OR2B11: variants seen among roughly 807,000 people sequenced by gnomAD.
OR2B11 encodes the protein olfactory receptor 2B11.
For missense variants in OR2B11, 422 were observed against 400.0 expected, an observed-to-expected ratio of 1.05 and a Z score of -0.47; for synonymous variants, 198 against 174.5, an observed-to-expected ratio of 1.13 and a Z score of -1.06.
At chr1:247,456,376 G>A (rs758421130) in intron 1 of OR2B11, among the ~76,000 whole-genome samples, 6 of 152,084 alleles carry the variant, frequency 3.9e-5, no homozygotes, top group Non-Finnish European at 7.3e-5. Flanking sequence ...CGAACTCCTA[G>A]GCTCAAGTGA....
At position 247,458,038 on chromosome 1, in the gene OR2B11, C is replaced by T. The variant is rs1664996834; in HGVS notation, c.-3482G>A. ...GAGGATAAGGCTTTCAGGCAACACA[C>T]CTTGCCCGTGTCACGCTCTCTGTTC... On this transcript the variant is annotated 5_prime_UTR_variant, in exon 1 of 2. The change creates a new upstream start codon in the 5' untranslated region. Transcript: ENST00000641149. 1 of 152,184 alleles carries T rather than the reference C, an allele frequency of 6.6e-6. No homozygotes were observed. The highest frequency in any genetic ancestry group is 1.5e-5 in the Non-Finnish European group (1 of 68,074). The allele number at this position is 152,184 out of a possible 1,614,324, so 9.4% of individuals were successfully genotyped here.
Position 247,451,074 on chromosome 1 carries a change from C to A in OR2B11, c.909G>T (p.Gly303=). ...TCCTGGCCAGAAGTCTCCTCAGAGC[C>A]CCCTTCATATCTTTATTTCTCAGGG... ...TYTLRNKDMK[G]ALRRLLARIW... The change falls in exon 2 of 2, where the codon GGG becomes GGT. Residue 303 remains glycine, a synonymous_variant. Transcript: ENST00000641149. 6.6e-7 allele frequency: 1 copy of A among 1,509,222 alleles called. No individual in the cohort carries two copies. Among genetic ancestry groups the A allele is most frequent in the Non-Finnish European group, 8.9e-7 (1 of 1,129,224 alleles). The allele number at this position is 1,509,222 out of a possible 1,614,324, so 93.5% of individuals were successfully genotyped here. A position where few individuals can be genotyped will look rare whatever the true frequency, so the allele number is the denominator to read the frequency against.
Position 247,456,081 on chromosome 1 carries a change from G to A in OR2B11, c.-3082-1017C>T, listed in dbSNP as rs1265601170. ...ACCAGTTCTCTGTGCACTAGGCACCGCATATGAGCCTTCCCATATCCCATT... is the reference window on the plus strand; with the variant it reads ...ACCAGTTCTCTGTGCACTAGGCACCACATATGAGCCTTCCCATATCCCATT... On this transcript the variant is annotated intron_variant, in intron 1 of 1. Transcript: ENST00000641149. Among the ~76,000 whole-genome samples, 9 of 152,140 alleles carry A rather than the reference G, an allele frequency of 5.9e-5. No individual in the cohort carries two copies. The South Asian group carries it at 1.7e-3, about 28-fold the overall frequency.
rs991465528 is a variant in OR2B11, at chr1:247,451,803, G to C, written c.180C>G (p.His60Gln). 1 of 1,614,214 alleles carries C rather than the reference G, an allele frequency of 6.2e-7. No homozygotes were observed. The highest frequency in any genetic ancestry group is 1.1e-5 in the South Asian group (1 of 91,088). The change falls in exon 2 of 2, where the codon CAC becomes CAG. Residue 60 changes from histidine (H) to glutamine (Q), a missense_variant. Physicochemically the swap from His to Gln is conservative, Grantham distance 24. Transcript: ENST00000641149. ...GACTGAGGAAGATGTACATGGGGCT[G>C]TGGAGTTGAGGATCCACCCGGGATG... is the stretch of plus-strand genomic sequence containing the variant. Reference protein sequence around the residue: ...ILASRVDPQLHSPMYIFLSHL... With the variant: ...ILASRVDPQLQSPMYIFLSHL...
Position 247,449,744 on chromosome 1 carries a change from T to C in OR2B11, c.*1285A>G, listed in dbSNP as rs945904840. ...GCAAACTCTGTCTTGTTAGCACTTC[T>C]GAGCAGCACCAACTGGAGACTGGGT... On this transcript the variant is annotated 3_prime_UTR_variant, in exon 2 of 2. Transcript: ENST00000641149. The C allele has an allele frequency of 6.6e-6, 1 of 152,216 alleles. No homozygotes were observed. Among genetic ancestry groups the C allele is most frequent in the Non-Finnish European group, 1.5e-5 (1 of 68,042 alleles). 9.4% of individuals were successfully genotyped at this position (152,216 alleles called of 1,614,324 possible).
chr1:247,451,570 A>G lies in OR2B11; in HGVS notation c.413T>C (p.Val138Ala). ...CTGACAGAGAGCACGGTGCATGAGA[A>G]CGGCATAGTGCAGGGGCTTGCAGAT... is the stretch of plus-strand genomic sequence containing the variant. ...VAICKPLHYA[V>A]LMHRALCQQL... The change falls in exon 2 of 2, where the codon GTT becomes GCT. Residue 138 changes from valine (V) to alanine (A), a missense_variant. By Grantham distance (64) the Val-to-Ala change is moderately conservative. Coordinates refer to ENST00000641149, the MANE Select transcript of OR2B11 (RefSeq NM_001004492.2). 2 of 1,613,876 alleles carry G rather than the reference A, an allele frequency of 1.2e-6. No homozygotes were observed. Among genetic ancestry groups the G allele is most frequent in the Non-Finnish European group, 1.7e-6 (2 of 1,179,858 alleles).
chr1:247,456,241 A>G (rs578082801), intron 1 of OR2B11, among the ~76,000 whole-genome samples: 1 of 152,234 alleles, frequency 6.6e-6, no homozygotes, highest in Admixed American at 6.5e-5. Context: ...TTACTTCCTC[A>G]TAAGCCTCTG....
In OR2B11 at chr1:247,451,943, T is replaced by C. The variant is rs766055554; in HGVS notation, c.40A>G (p.Lys14Glu). Residue 14 changes from lysine to glutamate, a missense_variant, in exon 2 of 2, where the codon AAA becomes GAA. Transcript: ENST00000641149. ...DNHSFLGDSP[K>E]AFILLGVSDR... Reference sequence around the variant, plus strand: ...GACACACCCAGAAGGATGAAGGCTTTAGGGGAGTCCCCTAAGAAGCTATGG... The same window carrying C: ...GACACACCCAGAAGGATGAAGGCTTCAGGGGAGTCCCCTAAGAAGCTATGG... The C allele has an allele frequency of 2.8e-5, 45 of 1,592,528 alleles. No homozygotes were observed. Among genetic ancestry groups the C allele is most frequent in the Non-Finnish European group, 3.6e-5 (42 of 1,169,876 alleles).
chr1:247,451,842 G>A lies in OR2B11; in HGVS notation c.141C>T (p.Val47=), dbSNP rs762809106. 14 of 1,614,002 alleles carry A rather than the reference G, an allele frequency of 8.7e-6. No individual in the cohort carries two copies. Among genetic ancestry groups the A allele is most frequent in the East Asian group, 2.2e-5 (1 of 44,898 alleles). ...LSYVLAMLGN[V]AIILASRVDP... is the part of the protein sequence containing the mutation. ...CCACCCGGGATGCCAGGATGATGGCGACGTTCCCCAACATGGCCAGCACAT... is the reference window on the plus strand; with the variant it reads ...CCACCCGGGATGCCAGGATGATGGCAACGTTCCCCAACATGGCCAGCACAT... The change falls in exon 2 of 2, where the codon GTC becomes GTT. Residue 47 remains valine, a synonymous_variant. Transcript: ENST00000641149.
At chr1:247,456,601 CTT>C (rs140857340) in intron 1 of OR2B11, among the ~76,000 whole-genome samples, 4 of 150,768 alleles carry the variant, frequency 2.7e-5, no homozygotes, top group African/African-American at 4.9e-5. Flanking sequence ...ATTGTAATTA[CTT>C]TTTTTTCTTT....
Position 247,451,602 on chromosome 1 carries a change from G to A in OR2B11, c.381C>T (p.Tyr127=), listed in dbSNP as rs745312577. ...AGTGCAGGGGCTTGCAGATGGCCACGTAGCGGTCCAGGGCCATGGCGGCCA... is the reference window on the plus strand; with the variant it reads ...AGTGCAGGGGCTTGCAGATGGCCACATAGCGGTCCAGGGCCATGGCGGCCA... ...IVLAAMALDR[Y]VAICKPLHYA... Residue 127 remains tyrosine, a synonymous_variant, in exon 2 of 2, where the codon TAC becomes TAT. Transcript: ENST00000641149. The A allele has an allele frequency of 2.9e-5, 47 of 1,613,690 alleles. No homozygotes were observed. The highest frequency in any genetic ancestry group is 6.7e-5 in the African/African-American group (5 of 74,948).
rs1248383422 is a variant in OR2B11, at chr1:247,451,485, C to T, written c.498G>A (p.Leu166=). The T allele has an allele frequency of 6.2e-7, 1 of 1,614,202 alleles. No individual in the cohort carries two copies. The highest frequency in any genetic ancestry group is 1.1e-5 in the South Asian group (1 of 91,088). Residue 166 remains leucine (L), a synonymous_variant, in exon 2 of 2, where the codon CTG becomes CTA. Coordinates refer to ENST00000641149, the MANE Select transcript of OR2B11 (RefSeq NM_001004492.2). ...GFGNSFVQVV[L]TVQLPFCGRQ... The stretch of plus-strand genomic sequence containing the variant: ...GCCCGCAGAATGGCAATTGCACCGT[C>T]AGGACCACCTGCACGAAGGAGTTGC...
rs1664998288 is a variant in OR2B11, at chr1:247,458,081, C to T, written c.-3525G>A. 6.6e-6 allele frequency: 1 copy of T among 152,204 alleles called. No individual in the cohort carries two copies. Among genetic ancestry groups the T allele is most frequent in the Admixed American group, 6.5e-5 (1 of 15,272 alleles). The allele number at this position is 152,204 out of a possible 1,614,324, so 9.4% of individuals were successfully genotyped here. A position where few individuals can be genotyped will look rare whatever the true frequency, so the allele number is the denominator to read the frequency against. On this transcript the variant is annotated 5_prime_UTR_variant, in exon 1 of 2. Coordinates refer to ENST00000641149, the MANE Select transcript of OR2B11 (RefSeq NM_001004492.2). ...CTCTGTTCATTTCAAAATTATCCCT[C>T]AGATTTAACTTGACCTCATTCTCTC...
chr1:247,450,358 A>G lies in OR2B11; in HGVS notation c.*671T>C, dbSNP rs1664817683. 6.6e-6 allele frequency: 1 copy of G among 152,210 alleles called. No individual in the cohort carries two copies. Among genetic ancestry groups the G allele is most frequent in the South Asian group, 2.1e-4 (1 of 4,830 alleles). The allele number at this position is 152,210 out of a possible 1,614,324, so 9.4% of individuals were successfully genotyped here. A position where few individuals can be genotyped will look rare whatever the true frequency, so the allele number is the denominator to read the frequency against. On this transcript the variant is annotated 3_prime_UTR_variant, in exon 2 of 2. Transcript: ENST00000641149. ...GAGCAAGTATCTTTTTCGTATAATG[A>G]CTTATTTTCCTCTGGGTAGATGCCC...
At position 247,452,011 on chromosome 1, in the gene OR2B11, A is replaced by C; in HGVS notation, c.-29T>G. 7.4e-7 allele frequency: 1 copy of C among 1,354,850 alleles called. No individual in the cohort carries two copies. Among genetic ancestry groups the C allele is most frequent in the Non-Finnish European group, 1.1e-6 (1 of 947,156 alleles). 83.9% of individuals were successfully genotyped at this position (1,354,850 alleles called of 1,614,324 possible). ...GCGGCATTTTCTGGCACTTGTGGCA[A>C]ATTGAGAAAATTGGAATGAATAATA... On this transcript the variant is annotated 5_prime_UTR_variant, in exon 2 of 2. In the 5' UTR this introduces an upstream ATG that the reference lacks. Transcript: ENST00000641149.
Position 247,457,826 on chromosome 1 carries a change from C to T in OR2B11, c.-3270G>A, listed in dbSNP as rs1664993006. ...GACCTTACCATTTACTGGAACCCAA[C>T]CCTCTGAGCAAGTCTGAGAGATTAT... On this transcript the variant is annotated 5_prime_UTR_variant, in exon 1 of 2. Coordinates refer to ENST00000641149, the MANE Select transcript of OR2B11 (RefSeq NM_001004492.2). 1 of 152,198 alleles carries T rather than the reference C, an allele frequency of 6.6e-6. No individual in the cohort carries two copies. Among genetic ancestry groups the T allele is most frequent in the Non-Finnish European group, 1.5e-5 (1 of 68,048 alleles). 9.4% of individuals were successfully genotyped at this position (152,198 alleles called of 1,614,324 possible).
intron 1 of OR2B11, among the ~76,000 whole-genome samples, chr1:247,456,231 T>A (rs9728552): frequency 0.026 from 3,900 of 152,194 alleles, 161 homozygotes; most frequent in African/African-American, 0.086. Flanking sequence ...GGAGGGGAAA[T>A]TACTTCCTCA....
At chr1:247,455,176 A>G (rs1366036627) in intron 1 of OR2B11, 112 bp from the exon 2 acceptor site, 1 of 152,190 alleles carries the variant, frequency 6.6e-6, no homozygotes, top group African/African-American at 2.4e-5. Context: ...GACGGAACAC[A>G]TTGTTACCTA....
At position 247,452,084 on chromosome 1, in the gene OR2B11, C is replaced by T; in HGVS notation, c.-102G>A. The T allele has an allele frequency of 1.4e-6, 1 of 724,622 alleles. No homozygotes were observed. The highest frequency in any genetic ancestry group is 1.7e-5 in the South Asian group (1 of 57,742). The allele number at this position is 724,622 out of a possible 1,614,324, so 44.9% of individuals were successfully genotyped here. On this transcript the variant is annotated 5_prime_UTR_variant, in exon 2 of 2. Transcript: ENST00000641149. ...TTTCCTCCCTCTTGCATCCACTCTTCCTTTCCCAGGTGATAGCCTGTTTGA... is the reference window on the plus strand; with the variant it reads ...TTTCCTCCCTCTTGCATCCACTCTTTCTTTCCCAGGTGATAGCCTGTTTGA...
Sources: gnomAD v4.1 joint callset for allele counts (sites outside exome capture counted in the v4.1 genomes callset) on GRCh38, gnomAD v4.1.1 for gene constraint, MANE v1.5 for transcripts, NCBI Gene and HGNC (gene_info 2026-07-23, HGNC 2026-07-21) for gene names.